The following TRIQK variants were observed in gnomAD, a reference collection of about 807,000 sequenced individuals.
TRIQK encodes the protein triple QxxK/R motif containing, also known as triple QxxK/R motif-containing protein.
Under a neutral mutation model 10.8 loss-of-function variants are expected in TRIQK, and 10 were observed. That is an observed-to-expected ratio of 0.92 (90% CI 0.57 to 1.57). The LOEUF (loss-of-function observed/expected upper bound fraction) is 1.57, where lower values mean the gene tolerates loss of function less well. Ranked by LOEUF, TRIQK falls within the 40% of genes most tolerant of loss-of-function variation. The pLI is 0.00. For missense variants in TRIQK, 107 were observed against 97.7 expected, an observed-to-expected ratio of 1.09 and a Z score of -0.40; for synonymous variants, 33 against 33.7, an observed-to-expected ratio of 0.98 and a Z score of 0.07.
intron 2 of TRIQK, among the ~76,000 whole-genome samples, chr8:92,925,337 A>G (rs1410304872): frequency 6.6e-6 from 1 of 152,166 alleles, no homozygotes; most frequent in African/African-American, 2.4e-5. Flanking sequence ...GTAGAGGCAA[A>G]TATTTATTGA....
At chr8:92,956,513 A>G (rs1305955290) in intron 1 of TRIQK, among the ~76,000 whole-genome samples, 1 of 151,878 alleles carries the variant, frequency 6.6e-6, no homozygotes, top group Non-Finnish European at 1.5e-5. Flanking sequence ...ATACACTTTA[A>G]AATGATAAAC....
At chr8:92,947,821 A>C (rs1811635217) in intron 2 of TRIQK, among the ~76,000 whole-genome samples, 1 of 152,174 alleles carries the variant, frequency 6.6e-6, no homozygotes. Context: ...TACTGGTTGC[A>C]TCTAACGTAA....
chr8:92,936,288 G>A (rs1408902514), intron 2 of TRIQK, among the ~76,000 whole-genome samples: 2 of 151,490 alleles, frequency 1.3e-5, no homozygotes, highest in African/African-American at 4.8e-5. Flanking sequence ...GATGAAGCTG[G>A]GCTAATCACA....
chr8:92,976,894 T>C (rs1183214967), intron 1 of TRIQK, among the ~76,000 whole-genome samples: 1 of 152,004 alleles, frequency 6.6e-6, no homozygotes, highest in Non-Finnish European at 1.5e-5. Context: ...TAAAGAAGCT[T>C]GATGCAGTAT....
intron 2 of TRIQK, among the ~76,000 whole-genome samples, chr8:92,947,859 A>G (rs897763214): frequency 2.6e-5 from 4 of 152,152 alleles, no homozygotes; most frequent in African/African-American, 9.7e-5. Flanking sequence ...TAACACTGAG[A>G]TGACTTGAGG....
At chr8:92,933,254 A>G (rs1810824030) in intron 2 of TRIQK, among the ~76,000 whole-genome samples, 1 of 152,162 alleles carries the variant, frequency 6.6e-6, no homozygotes, top group Admixed American at 6.6e-5. Context: ...ATTATTATCA[A>G]TGAAAGTTTT....
intron 2 of TRIQK, among the ~76,000 whole-genome samples, chr8:92,931,791 G>C (rs2130556066): frequency 6.6e-6 from 1 of 152,188 alleles, no homozygotes; most frequent in African/African-American, 2.4e-5. Context: ...GGACCATCCA[G>C]GACAGCCCTT....
intron 1 of TRIQK, among the ~76,000 whole-genome samples, chr8:93,002,233 A>T (rs1410789019): frequency 6.6e-6 from 1 of 152,146 alleles, no homozygotes; most frequent in Non-Finnish European, 1.5e-5. Context: ...AGTAAAAGCT[A>T]AACCCCATAA....
chr8:92,958,797 C>T (rs1308439687), intron 1 of TRIQK, among the ~76,000 whole-genome samples: 2 of 151,950 alleles, frequency 1.3e-5, no homozygotes, highest in Non-Finnish European at 2.9e-5. Context: ...ATATTATAGG[C>T]TTTGGATGTC....
At chr8:92,889,084 A>T (rs564961069) in intron 4 of TRIQK, among the ~76,000 whole-genome samples, 9 of 151,810 alleles carry the variant, frequency 5.9e-5, no homozygotes, top group African/African-American at 2.2e-4. Context: ...AACACAAAAA[A>T]TAAAAAGTAC....
At chr8:92,903,498 A>G (rs1809069845) in intron 3 of TRIQK, among the ~76,000 whole-genome samples, 1 of 152,136 alleles carries the variant, frequency 6.6e-6, no homozygotes, top group African/African-American at 2.4e-5. Flanking sequence ...GTTTTGCAAT[A>G]AAATGTGAAA....
At chr8:92,964,399 A>G (rs1393387089) in intron 1 of TRIQK, among the ~76,000 whole-genome samples, 1 of 151,528 alleles carries the variant, frequency 6.6e-6, no homozygotes, top group Non-Finnish European at 1.5e-5. Flanking sequence ...AATGACACCA[A>G]AAAGGTTAGT....
chr8:92,911,912 T>TAC (rs1316220378), intron 3 of TRIQK, among the ~76,000 whole-genome samples: 1 of 149,216 alleles, frequency 6.7e-6, no homozygotes, highest in African/African-American at 2.5e-5. Flanking sequence ...CATATATATA[T>TAC]ATATATATAT....
chr8:92,983,017 A>G lies in TRIQK; in HGVS notation c.-180-28453T>C, dbSNP rs149399349. The stretch of plus-strand genomic sequence containing the variant: ...TTATGAAATTAGGATAACAATATCC[A>G]GTTCATATGGCTGCTGTAAAAATCA... On this transcript the variant is annotated intron_variant, in intron 1 of 4. Coordinates refer to the TRIQK transcript ENST00000520686. Among the ~76,000 whole-genome samples the G allele has an allele frequency of 5.9e-3, 898 of 152,190 alleles. 3 individuals carry two copies. The highest frequency in any genetic ancestry group is 0.014 in the Middle Eastern group (4 of 294).
intron 1 of TRIQK, among the ~76,000 whole-genome samples, chr8:93,015,970 T>A (rs1410706569): frequency 6.6e-6 from 1 of 152,124 alleles, no homozygotes; most frequent in Non-Finnish European, 1.5e-5. Context: ...AAAACAGAAC[T>A]TTCCTGAGCT....
intron 1 of TRIQK, among the ~76,000 whole-genome samples, chr8:93,011,271 A>G (rs1332144460): frequency 2.0e-5 from 3 of 151,882 alleles, no homozygotes; most frequent in Non-Finnish European, 4.4e-5. Context: ...GACTGTACTA[A>G]AATAGCTAAA....
chr8:92,991,446 G>A (rs2130750241), intron 1 of TRIQK, among the ~76,000 whole-genome samples: 1 of 152,284 alleles, frequency 6.6e-6, no homozygotes, highest in Admixed American at 6.5e-5. Context: ...TGACCCCCAT[G>A]CCTCCTGACT....
chr8:92,985,988 C>T (rs1362138158), intron 1 of TRIQK, among the ~76,000 whole-genome samples: 2 of 152,106 alleles, frequency 1.3e-5, no homozygotes, highest in Non-Finnish European at 2.9e-5. Context: ...AGATACTTTC[C>T]TCTATTTGAC....
chr8:92,930,645 G>A (rs1208527598), intron 2 of TRIQK, among the ~76,000 whole-genome samples: 1 of 152,022 alleles, frequency 6.6e-6, no homozygotes, highest in African/African-American at 2.4e-5. Flanking sequence ...GGATTCTGAG[G>A]TTCACAAAGG....
Sources: gnomAD v4.1 joint callset for allele counts (sites outside exome capture counted in the v4.1 genomes callset) on GRCh38, gnomAD v4.1.1 for gene constraint, MANE v1.5 for transcripts, NCBI Gene and HGNC (gene_info 2026-07-23, HGNC 2026-07-21) for gene names.